Variants in TDRD3 observed in about 807,000 individuals in gnomAD.
The protein encoded by TDRD3 is tudor domain-containing protein 3.
Under a neutral mutation model 86.7 loss-of-function variants are expected in TDRD3, and 45 were observed. That is an observed-to-expected ratio of 0.52 (90% confidence interval 0.41 to 0.67). The LOEUF (loss-of-function observed/expected upper bound fraction) is 0.67, where lower values mean the gene tolerates loss of function less well. TDRD3 is among the 30% of genes least tolerant of loss of function. TDRD3 has a pLI of 0.00. For synonymous variants in TDRD3, 298 were observed against 301.7 expected, an observed-to-expected ratio of 0.99 and a Z score of 0.13; for missense variants, 814 against 889.0, an observed-to-expected ratio of 0.92 and a Z score of 1.07.
chr13:60,501,275 G>A lies in TDRD3; in HGVS notation c.858+6700G>A, dbSNP rs111292711. 3.4e-3 allele frequency among the ~76,000 whole-genome samples: 514 copies of A among 152,264 alleles called. 4 individuals are homozygous for A. The highest frequency in any genetic ancestry group is 0.012 in the African/African-American group (490 of 41,554). ...TCCTGCTTAAGAGAGGCATTGTGTG[G>A]GGAACAACAGCTAGGGCTCCTCCTA... On this transcript the variant is annotated intron_variant, in intron 8 of 13. Coordinates refer to ENST00000377881, the MANE Select transcript of TDRD3 (RefSeq NM_001146070.2).
intron 3 of TDRD3, among the ~76,000 whole-genome samples, chr13:60,445,023 A>C (rs1260940049): frequency 1.3e-5 from 2 of 151,986 alleles, no homozygotes; most frequent in African/African-American, 4.8e-5. Flanking sequence ...AACCAGATGT[A>C]ATTGGCACTC....
intron 8 of TDRD3, among the ~76,000 whole-genome samples, chr13:60,497,208 G>A (rs1956737955): frequency 6.6e-6 from 1 of 152,126 alleles, no homozygotes; most frequent in Non-Finnish European, 1.5e-5. Flanking sequence ...AGCTCAGCTT[G>A]AGTCTTAACA....
Position 60,564,459 on chromosome 13 carries a change from G to A in TDRD3, c.2119-3066G>A, listed in dbSNP as rs564396708. Reference sequence around the variant, plus strand: ...ATGGTTCTGAATCTCAGAATCTTAGGCGAAGATGACATTGGACAGTTCCCG... The same window carrying A: ...ATGGTTCTGAATCTCAGAATCTTAGACGAAGATGACATTGGACAGTTCCCG... On this transcript the variant is annotated intron_variant, in intron 12 of 13. Transcript: ENST00000377881. Among the ~76,000 whole-genome samples the A allele has an allele frequency of 2.6e-5, 4 of 152,276 alleles. No individual in the cohort carries two copies. In the East Asian group the frequency reaches 5.8e-4, roughly 22 times the overall value.
rs535204835 is a variant in TDRD3, at chr13:60,456,386, T to C, written c.193-3994T>C. On this transcript the variant is annotated intron_variant, in intron 3 of 13. Coordinates refer to ENST00000377881, the MANE Select transcript of TDRD3 (RefSeq NM_001146070.2). ...AGGAGAAGAAGGAATGATGCCTGGA[T>C]TAATGGCCTGAGAGAATATTTCTAG... 6.6e-5 allele frequency among the ~76,000 whole-genome samples: 10 copies of C among 152,272 alleles called. No individual in the cohort carries two copies. In the East Asian group the frequency reaches 1.9e-3, roughly 29 times the overall value.
chr13:60,544,909 C>G (rs1362327954), intron 12 of TDRD3, among the ~76,000 whole-genome samples: 1 of 152,094 alleles, frequency 6.6e-6, no homozygotes, highest in African/African-American at 2.4e-5. Flanking sequence ...AGTATATGAA[C>G]TGGGTTGTTA....
chr13:60,480,753 A>G lies in TDRD3; in HGVS notation c.496-3022A>G, dbSNP rs567693356. On this transcript the variant is annotated intron_variant, in intron 5 of 13. Coordinates refer to ENST00000377881, the MANE Select transcript of TDRD3 (RefSeq NM_001146070.2). ...AATGCCATGGGTGTGGGGTGCTGCA[A>G]GTGGGAGTGCTCCAGTGAGGAGGGC... 1.7e-4 allele frequency among the ~76,000 whole-genome samples: 26 copies of G among 151,960 alleles called. No homozygotes were observed. In the South Asian group the frequency reaches 5.0e-3, roughly 29 times the overall value.
At chr13:60,569,340 A>G (rs1958532494) in intron 13 of TDRD3, among the ~76,000 whole-genome samples, 1 of 152,206 alleles carries the variant, frequency 6.6e-6, no homozygotes, top group Non-Finnish European at 1.5e-5. Context: ...AATACAATAA[A>G]ACACCTAGGA....
At chr13:60,453,959 A>T (rs928906191) in intron 3 of TDRD3, among the ~76,000 whole-genome samples, 1 of 151,344 alleles carries the variant, frequency 6.6e-6, no homozygotes, top group African/African-American at 2.4e-5. Context: ...TCTAGCACTG[A>T]TTTAACTATA....
intron 5 of TDRD3, among the ~76,000 whole-genome samples, chr13:60,477,282 A>G (rs879455634): frequency 3.3e-5 from 5 of 151,776 alleles, no homozygotes; most frequent in Admixed American, 1.3e-4. Context: ...TGGCAGAATC[A>G]TAGTTCAATA....
At chr13:60,424,361 A>G (rs1442396360) in intron 1 of TDRD3, among the ~76,000 whole-genome samples, 1 of 152,006 alleles carries the variant, frequency 6.6e-6, no homozygotes, top group Non-Finnish European at 1.5e-5. Context: ...TATAAATCAC[A>G]GAAAAAAATT....
At chr13:60,536,820 C>A (rs1180463935) in intron 12 of TDRD3, 3 of 152,022 alleles carry the variant, frequency 2.0e-5, no homozygotes, top group Non-Finnish European at 4.4e-5. Flanking sequence ...TTATTCCTTA[C>A]TGTAGCTCTT....
At chr13:60,451,455 G>T (rs1361172938) in intron 3 of TDRD3, among the ~76,000 whole-genome samples, 1 of 152,106 alleles carries the variant, frequency 6.6e-6, no homozygotes, top group Non-Finnish European at 1.5e-5. Context: ...GAAGTTCATT[G>T]TCGGCATCTT....
chr13:60,535,979 AATTT>A (rs2137819627), intron 12 of TDRD3: 1 of 152,260 alleles, frequency 6.6e-6, no homozygotes, highest in South Asian at 2.1e-4. Flanking sequence ...GCTGTTAATA[AATTT>A]ATTGTTATAA....
intron 8 of TDRD3, among the ~76,000 whole-genome samples, chr13:60,496,915 A>G (rs1956730361): frequency 6.6e-6 from 1 of 152,130 alleles, no homozygotes; most frequent in African/African-American, 2.4e-5. Flanking sequence ...GGCCTCATGG[A>G]TTCTAAGGAA....
At position 60,529,064 on chromosome 13, in the gene TDRD3, C is replaced by T. The variant is rs917642192; in HGVS notation, c.1839C>T (p.Pro613=). 5 of 1,613,890 alleles carry T rather than the reference C, an allele frequency of 3.1e-6. No individual in the cohort carries two copies. The African/African-American group carries it at 6.7e-5, about 22-fold the overall frequency. ...CAGCAGGACCTGTCACAGCTGTACC[C>T]TGTGATGATAAAATATTTTACAATA... is the stretch of plus-strand genomic sequence containing the variant. ...IKPAGPVTAV[P]CDDKIFYNSG... Residue 613 remains proline, a synonymous_variant, in exon 11 of 14, where the codon CCC becomes CCT. Transcript: ENST00000377881.
chr13:60,397,204 C>G, upstream of TDRD3: 1 of 425,454 alleles, frequency 2.4e-6, no homozygotes, highest in Non-Finnish European at 4.1e-6. Context: ...AACCCGCACG[C>G]GGAAGCGCCG....
At chr13:60,564,222 T>C (rs1159452022) in intron 12 of TDRD3, among the ~76,000 whole-genome samples, 2 of 152,136 alleles carry the variant, frequency 1.3e-5, no homozygotes, top group Non-Finnish European at 2.9e-5. Flanking sequence ...TCATGGCCCA[T>C]GACACAGCCC....
At chr13:60,435,672 C>T (rs1368954520) in intron 1 of TDRD3, among the ~76,000 whole-genome samples, 1 of 152,066 alleles carries the variant, frequency 6.6e-6, no homozygotes, top group Non-Finnish European at 1.5e-5. Context: ...ACTCTTTGGT[C>T]GATGGACACT....
chr13:60,510,779 C>CG, intron 10 of TDRD3, 24 bp downstream of exon 10: 1 of 1,405,116 alleles, frequency 7.1e-7, no homozygotes. Context: ...AAGTTGATTC[C>CG]TTTTTTTTTC....
Sources: gnomAD v4.1 joint callset for allele counts (sites outside exome capture counted in the v4.1 genomes callset) on GRCh38, gnomAD v4.1.1 for gene constraint, MANE v1.5 for transcripts, NCBI Gene and HGNC (gene_info 2026-07-23, HGNC 2026-07-21) for gene names.